The following PHYKPL variants were observed in gnomAD, a reference collection of about 807,000 sequenced individuals.
PHYKPL encodes 5-phosphonooxy-L-lysine phospho-lyase.
In PHYKPL, 42 loss-of-function variants were observed where a neutral mutation model predicts 51.3. The ratio of observed to expected loss-of-function variants is 0.82; its 90% CI spans 0.64 to 1.06. The LOEUF (loss-of-function observed/expected upper bound fraction) is 1.06. PHYKPL is among the 50% of genes least tolerant of loss of function. The pLI, the probability that PHYKPL is intolerant of heterozygous loss-of-function variation, is 0.00. For synonymous variants in PHYKPL, 264 were observed against 236.0 expected, an observed-to-expected ratio of 1.12 and a Z score of -1.09; for missense variants, 655 against 586.6, an observed-to-expected ratio of 1.12 and a Z score of -1.20.
At position 178,208,481 on chromosome 5, in the gene PHYKPL, GAGTA is replaced by G. The variant is rs1015583113; in HGVS notation, c.*462_*465del. On this transcript the variant is annotated 3_prime_UTR_variant, in exon 13 of 13. Coordinates refer to ENST00000308158, the MANE Select transcript of PHYKPL (RefSeq NM_153373.4). ...TGAAACTACTGGTAGTGAGTCTTAGGAGTAAGTATATTTAGTTGGTTATATTCAG... is the reference window on the plus strand; with the variant it reads ...TGAAACTACTGGTAGTGAGTCTTAGGAGTATATTTAGTTGGTTATATTCAG... 1.3e-5 allele frequency: 2 copies of G among 152,196 alleles called. No homozygotes were observed. Among genetic ancestry groups the G allele is most frequent in the African/African-American group, 4.8e-5 (2 of 41,446 alleles). The allele number at this position is 152,196 out of a possible 1,614,324, so 9.4% of individuals were successfully genotyped here. A position where few individuals can be genotyped will look rare whatever the true frequency, so the allele number is the denominator to read the frequency against.
chr5:178,230,153 G>A, intron 2 of PHYKPL, 54 bp from the exon 3 acceptor site: 1 of 1,604,310 alleles, frequency 6.2e-7, no homozygotes, highest in Non-Finnish European at 8.5e-7. Context: ...CAGTCCCACT[G>A]GGCCTCCCCC....
At chr5:178,210,497 G>A (rs1029027978) in intron 12 of PHYKPL, 34 of 1,559,034 alleles carry the variant, frequency 2.2e-5, no homozygotes, top group Admixed American at 1.7e-4. Flanking sequence ...TATCAAGCGC[G>A]TGGCACAGGG....
At chr5:178,229,101 C>T (rs1762864808) in intron 3 of PHYKPL, among the ~76,000 whole-genome samples, 1 of 113,444 alleles carries the variant, frequency 8.8e-6, no homozygotes, top group African/African-American at 3.5e-5. Flanking sequence ...TTTGATGAGA[C>T]TATTTTTTTT....
chr5:178,225,418 T>C lies in PHYKPL; in HGVS notation c.350A>G (p.Asn117Ser), dbSNP rs1255472652. Residue 117 changes from asparagine to serine, a missense_variant, in exon 4 of 13, where the codon AAT (asparagine) becomes AGT (serine). Transcript: ENST00000308158. The stretch of plus-strand genomic sequence containing the variant: ...GCGAGCCAGCCTCAGGGCCAGGTCA[T>C]TGGCTTCTGACCTATGACCGAAAAG... ...FYFLNSGSEA[N>S]DLALRLARHY... The C allele has an allele frequency of 6.8e-6, 11 of 1,614,082 alleles. No homozygotes were observed. The highest frequency in any genetic ancestry group is 8.5e-6 in the Non-Finnish European group (10 of 1,180,050).
At chr5:178,224,831 C>A in intron 4 of PHYKPL, 102 bp from the exon 5 acceptor site, 1 of 887,526 alleles carries the variant, frequency 1.1e-6, no homozygotes, top group Non-Finnish European at 1.7e-6. Context: ...CAAGGGAGGC[C>A]AACTTTCCTG....
intron 3 of PHYKPL, among the ~76,000 whole-genome samples, chr5:178,227,343 C>A (rs1036054788): frequency 8.5e-5 from 13 of 152,210 alleles, no homozygotes; most frequent in African/African-American, 3.1e-4. Flanking sequence ...TCTTGGACTT[C>A]CAGCCTCCAG....
At chr5:178,219,685 C>T (rs566588721) in intron 8 of PHYKPL, among the ~76,000 whole-genome samples, 3 of 151,980 alleles carry the variant, frequency 2.0e-5, no homozygotes, top group Non-Finnish European at 2.9e-5. Context: ...CTCCTGACCT[C>T]GTGATCTGCC....
chr5:178,210,380 C>A, intron 12 of PHYKPL: 1 of 1,583,062 alleles, frequency 6.3e-7, no homozygotes, highest in Admixed American at 1.8e-5. Context: ...ACAGGCCTGG[C>A]TCAGCCATGG....
rs774734016 is a variant in PHYKPL, at chr5:178,211,873, A to C, written c.*31+17T>G. On this transcript the variant is annotated intron_variant, in intron 12 of 12. Transcript: ENST00000308158. ...CCCGCTGTGCATCTTCAAGAGTAAGAAGCAAGGCCCACTCACCTGGAGTAC... is the reference window on the plus strand; with the variant it reads ...CCCGCTGTGCATCTTCAAGAGTAAGCAGCAAGGCCCACTCACCTGGAGTAC... The C allele has an allele frequency of 2.1e-5, 33 of 1,590,952 alleles. No individual in the cohort carries two copies. Among genetic ancestry groups the C allele is most frequent in the Non-Finnish European group, 2.8e-5 (33 of 1,159,592 alleles).
chr5:178,232,013 A>AGGGCCC (rs1288715452), intron 1 of PHYKPL: 1 of 1,202,570 alleles, frequency 8.3e-7, no homozygotes, highest in East Asian at 5.7e-5. Context: ...CGTCCCACCG[A>AGGGCCC]GGGCCCCCTC....
chr5:178,222,315 A>G, intron 8 of PHYKPL, 40 bp downstream of exon 8: 10 of 1,562,496 alleles, frequency 6.4e-6, no homozygotes, highest in Non-Finnish European at 8.7e-6. Context: ...GGGGCCTATC[A>G]GAACCCATGT....
At chr5:178,232,262 G>C (rs962073461) in intron 1 of PHYKPL, 13 of 1,233,126 alleles carry the variant, frequency 1.1e-5, no homozygotes, top group Non-Finnish European at 1.3e-5. Context: ...GCCTGGAGAC[G>C]GCGCTGTCGG....
upstream of PHYKPL, chr5:178,232,817 C>A: frequency 3.3e-6 from 1 of 301,790 alleles, no homozygotes. Context: ...TTCCGGGACG[C>A]GCCCCGGGCC....
intron 2 of PHYKPL, 67 bp downstream of exon 2, chr5:178,231,338 A>G: frequency 6.2e-7 from 1 of 1,610,056 alleles, no homozygotes; most frequent in Non-Finnish European, 8.5e-7. Context: ...ATCTCAGGTC[A>G]CCTTGGGACC....
At chr5:178,217,585 G>A (rs1199496187) in intron 8 of PHYKPL, among the ~76,000 whole-genome samples, 1 of 151,402 alleles carries the variant, frequency 6.6e-6, no homozygotes, top group East Asian at 2.0e-4. Context: ...TCAGCCGGCC[G>A]CGGTGACTCA....
At chr5:178,227,151 G>A (rs1237576512) in intron 3 of PHYKPL, among the ~76,000 whole-genome samples, 5 of 151,806 alleles carry the variant, frequency 3.3e-5, no homozygotes, top group Non-Finnish European at 5.9e-5. Context: ...AGATAAGAGA[G>A]GTGATTACAT....
At chr5:178,231,153 G>C (rs1237603903) in intron 2 of PHYKPL, among the ~76,000 whole-genome samples, 1 of 152,174 alleles carries the variant, frequency 6.6e-6, no homozygotes, top group African/African-American at 2.4e-5. Flanking sequence ...CTGCCACTTT[G>C]TGAGCTCATC....
chr5:178,210,062 G>A lies in PHYKPL; in HGVS notation c.*32-1147C>T, dbSNP rs958748066. Reference sequence around the variant, plus strand: ...GTAACCCTGCCACCCCAAAGGGCAGGATTTCCTCCATCCTAGCTCCTGCGT... The same window carrying A: ...GTAACCCTGCCACCCCAAAGGGCAGAATTTCCTCCATCCTAGCTCCTGCGT... On this transcript the variant is annotated intron_variant, in intron 12 of 12. Coordinates refer to ENST00000308158, the MANE Select transcript of PHYKPL (RefSeq NM_153373.4). 20 of 1,583,324 alleles carry A rather than the reference G, an allele frequency of 1.3e-5. No individual in the cohort carries two copies. In the Middle Eastern group the frequency reaches 6.8e-4, roughly 54 times the overall value.
chr5:178,226,461 GAA>G (rs1193698129), intron 3 of PHYKPL: 1 of 152,128 alleles, frequency 6.6e-6, no homozygotes, highest in African/African-American at 2.4e-5. Context: ...AAAACTAAGG[GAA>G]ATACATTTAC....
Sources: gnomAD v4.1 joint callset for allele counts (sites outside exome capture counted in the v4.1 genomes callset) on GRCh38, gnomAD v4.1.1 for gene constraint, MANE v1.5 for transcripts, NCBI Gene and HGNC (gene_info 2026-07-23, HGNC 2026-07-21) for gene names.